KDELR2: variants seen among roughly 807,000 people sequenced by gnomAD.
The protein encoded by KDELR2 is ER lumen protein-retaining receptor 2.
KDELR2 carries 15 observed loss-of-function variants against 23.9 expected under a neutral mutation model. The ratio of observed to expected loss-of-function variants is 0.63; its 90% CI spans 0.42 to 0.97. KDELR2 has a LOEUF of 0.97. Ranked by LOEUF, KDELR2 falls within the 50% of genes least tolerant of loss-of-function variation. The pLI, the probability that KDELR2 is intolerant of heterozygous loss-of-function variation, is 0.00. For synonymous variants in KDELR2, 119 were observed against 106.2 expected, an observed-to-expected ratio of 1.12 and a Z score of -0.74; for missense variants, 272 against 254.6, an observed-to-expected ratio of 1.07 and a Z score of -0.46.
intron 1 of KDELR2, among the ~76,000 whole-genome samples, chr7:6,477,571 A>G (rs774353577): frequency 5.8e-4 from 88 of 152,242 alleles, no homozygotes; most frequent in Non-Finnish European, 8.4e-4. Flanking sequence ...CCAAACATCT[A>G]TATTAAGGAG....
In KDELR2 at chr7:6,462,017, C is replaced by T. The variant is rs1253583271; in HGVS notation, c.*1124G>A. On this transcript the variant is annotated 3_prime_UTR_variant, in exon 5 of 5. Coordinates refer to ENST00000258739, the MANE Select transcript of KDELR2 (RefSeq NM_006854.4). ...TCAAAAAGCCTAATTCATAAAAAGA[C>T]AATTTATTCCATGTTTAATATAGTG... 1.3e-5 allele frequency: 2 copies of T among 151,956 alleles called. No individual in the cohort carries two copies. Among genetic ancestry groups the T allele is most frequent in the Non-Finnish European group, 2.9e-5 (2 of 67,990 alleles). 9.4% of individuals were successfully genotyped at this position (151,956 alleles called of 1,614,324 possible).
rs1785405808 is a variant in KDELR2 at position 6,462,275 on chromosome 7, C to A, written c.*866G>T. ...TGAGCATGGACATGGTTGTAGTCATCTTTTGGAATTATAAGTGAAAGTGAT... is the reference window on the plus strand; with the variant it reads ...TGAGCATGGACATGGTTGTAGTCATATTTTGGAATTATAAGTGAAAGTGAT... On this transcript the variant is annotated 3_prime_UTR_variant, in exon 5 of 5. Transcript: ENST00000258739. The A allele has an allele frequency of 6.6e-6, 1 of 152,118 alleles. No homozygotes were observed. Among genetic ancestry groups the A allele is most frequent in the Non-Finnish European group, 1.5e-5 (1 of 68,042 alleles). The allele number at this position is 152,118 out of a possible 1,614,324, so 9.4% of individuals were successfully genotyped here. A position where few individuals can be genotyped will look rare whatever the true frequency, so the allele number is the denominator to read the frequency against.
At chr7:6,467,684 C>A (rs1300746544) in intron 3 of KDELR2, among the ~76,000 whole-genome samples, 14 of 152,094 alleles carry the variant, frequency 9.2e-5, no homozygotes, top group Non-Finnish European at 1.8e-4. Context: ...TCGCTTGAAC[C>A]CAGGAGGCGG....
intron 1 of KDELR2, among the ~76,000 whole-genome samples, chr7:6,481,329 C>A (rs1459683828): frequency 2.1e-5 from 3 of 143,896 alleles, no homozygotes; most frequent in Non-Finnish European, 4.5e-5. Context: ...CACACCATTG[C>A]GCTCCAGCCT....
Position 6,466,081 on chromosome 7 carries a change from G to A in KDELR2, c.594C>T (p.Tyr198=), listed in dbSNP as rs774788355. ...TILYCDFFYL[Y]ITKVLKGKKL... ...TCGCACCCAACATACCTTTTGTAAT[G>A]TACAAGTAGAAGAAGTCACAGTATA... is the stretch of plus-strand genomic sequence containing the variant. The change falls in exon 4 of 5, where the codon TAC becomes TAT. Residue 198 remains tyrosine (Y), a synonymous_variant. Coordinates refer to ENST00000258739, the MANE Select transcript of KDELR2 (RefSeq NM_006854.4). The A allele has an allele frequency of 1.2e-6, 2 of 1,614,058 alleles. No homozygotes were observed. The highest frequency in any genetic ancestry group is 1.7e-6 in the Non-Finnish European group (2 of 1,179,996).
At position 6,461,693 on chromosome 7, in the gene KDELR2, C is replaced by T. The variant is rs1785391910; in HGVS notation, c.*1448G>A. ...AGATACAAATGAAACCCATCCTGCT[C>T]CCTTCCTCCAGAAGACGTTGTAATG... On this transcript the variant is annotated 3_prime_UTR_variant, in exon 5 of 5. Coordinates refer to ENST00000258739, the MANE Select transcript of KDELR2 (RefSeq NM_006854.4). 1 of 151,226 alleles carries T rather than the reference C, an allele frequency of 6.6e-6. No homozygotes were observed. Among genetic ancestry groups the T allele is most frequent in the South Asian group, 2.1e-4 (1 of 4,778 alleles). The allele number at this position is 151,226 out of a possible 1,614,324, so 9.4% of individuals were successfully genotyped here. A position where few individuals can be genotyped will look rare whatever the true frequency, so the allele number is the denominator to read the frequency against.
rs1251608026 is a variant in KDELR2, at chr7:6,480,597, T to C, written c.91+3370A>G. Among the ~76,000 whole-genome samples the C allele has an allele frequency of 5.3e-5, 8 of 152,248 alleles. No individual in the cohort carries two copies. In the South Asian group the frequency reaches 1.7e-3, roughly 32 times the overall value. On this transcript the variant is annotated intron_variant, in intron 1 of 4. Coordinates refer to ENST00000258739, the MANE Select transcript of KDELR2 (RefSeq NM_006854.4). ...CCACACGAGTCAGCCTCATCCCTGA[T>C]CCTTATGGGGTAAAAAGCACCATGG... is the stretch of plus-strand genomic sequence containing the variant.
rs10280892 is a variant in KDELR2, at chr7:6,477,422, G to A, written c.92-3138C>T. 8.8e-3 allele frequency among the ~76,000 whole-genome samples: 1,346 copies of A among 152,318 alleles called. 23 individuals carry two copies. The highest frequency in any genetic ancestry group is 0.029 in the African/African-American group (1,226 of 41,562). ...TGGAGGGGTTGGGAGTAGAATACCT[G>A]CTATTAAACCAGAGCAGCTCCTAGT... On this transcript the variant is annotated intron_variant, in intron 1 of 4. Coordinates refer to ENST00000258739, the MANE Select transcript of KDELR2 (RefSeq NM_006854.4).
intron 1 of KDELR2, chr7:6,482,356 T>G (rs1346936532): frequency 3.7e-6 from 1 of 268,342 alleles, no homozygotes; most frequent in Non-Finnish European, 7.9e-6. Flanking sequence ...CTCGGCTGAC[T>G]ACTTGATATA....
chr7:6,471,875 G>C (rs1785651173), intron 2 of KDELR2, among the ~76,000 whole-genome samples: 4 of 151,468 alleles, frequency 2.6e-5, no homozygotes, highest in Non-Finnish European at 4.4e-5. Flanking sequence ...GGGTGGGACT[G>C]CTGGGTCATA....
chr7:6,472,320 C>G (rs1785664825), intron 2 of KDELR2, among the ~76,000 whole-genome samples: 2 of 152,088 alleles, frequency 1.3e-5, no homozygotes, highest in Non-Finnish European at 2.9e-5. Context: ...CTTAGCAGCA[C>G]CTGGAGAAGA....
At chr7:6,466,790 T>G (rs945866028) in intron 3 of KDELR2, among the ~76,000 whole-genome samples, 13 of 151,888 alleles carry the variant, frequency 8.6e-5, no homozygotes, top group African/African-American at 1.2e-4. Flanking sequence ...AGATGCACAG[T>G]TCACAATAGG....
chr7:6,469,542 G>C, intron 3 of KDELR2, 54 bp downstream of exon 3: 1 of 1,554,000 alleles, frequency 6.4e-7, no homozygotes. Context: ...CCAAAATGCT[G>C]GGATTACAGG....
chr7:6,464,514 G>C lies in KDELR2; in HGVS notation c.605-1339C>G, dbSNP rs530643468. Among the ~76,000 whole-genome samples the C allele has an allele frequency of 3.9e-5, 6 of 151,946 alleles. No individual in the cohort carries two copies. The East Asian group carries it at 1.2e-3, about 30-fold the overall frequency. Reference sequence around the variant, plus strand: ...AGCCTGTGTGACAGAGCAAGACTCAGTCTCAAAACAAAACAAAACAAAACA... The same window carrying C: ...AGCCTGTGTGACAGAGCAAGACTCACTCTCAAAACAAAACAAAACAAAACA... On this transcript the variant is annotated intron_variant, in intron 4 of 4. Coordinates refer to ENST00000258739, the MANE Select transcript of KDELR2 (RefSeq NM_006854.4).
intron 2 of KDELR2, chr7:6,469,978 C>G: frequency 2.7e-6 from 1 of 367,482 alleles, no homozygotes; most frequent in Non-Finnish European, 4.9e-6. Context: ...CCATCATCCC[C>G]AAAATTCTGC....
At chr7:6,470,023 T>G (rs1785594964) in intron 2 of KDELR2, 2 of 288,092 alleles carry the variant, frequency 6.9e-6, no homozygotes, top group African/African-American at 2.2e-5. Flanking sequence ...TCCCCCAGGC[T>G]TCCTTCACCT....
intron 1 of KDELR2, among the ~76,000 whole-genome samples, chr7:6,476,490 C>G (rs1384514431): frequency 6.6e-6 from 1 of 152,170 alleles, no homozygotes; most frequent in Non-Finnish European, 1.5e-5. Flanking sequence ...AATCAATTTC[C>G]AGCTTATTTC....
At chr7:6,468,744 C>T (rs1785557891) in intron 3 of KDELR2, among the ~76,000 whole-genome samples, 1 of 151,306 alleles carries the variant, frequency 6.6e-6, no homozygotes, top group Non-Finnish European at 1.5e-5. Flanking sequence ...GACTTCGTGT[C>T]CCACCTGCCT....
In KDELR2 at chr7:6,463,006, C is replaced by T; in HGVS notation, c.*135G>A. Reference sequence around the variant, plus strand: ...CTGGCTCTTTTCCTCTGCGTTTTTACAGAGCCACTGATGACTATCTGCAAC... The same window carrying T: ...CTGGCTCTTTTCCTCTGCGTTTTTATAGAGCCACTGATGACTATCTGCAAC... On this transcript the variant is annotated 3_prime_UTR_variant, in exon 5 of 5. Transcript: ENST00000258739. 2 of 1,614,120 alleles carry T rather than the reference C, an allele frequency of 1.2e-6. No individual in the cohort carries two copies. Among genetic ancestry groups the T allele is most frequent in the Non-Finnish European group, 1.7e-6 (2 of 1,180,020 alleles).
Sources: allele counts gnomAD v4.1 joint callset (sites outside exome capture counted in the v4.1 genomes callset), GRCh38; gene constraint gnomAD v4.1.1; transcripts MANE v1.5; gene names NCBI Gene and HGNC (gene_info 2026-07-23, HGNC 2026-07-21).